Variants in MECOM observed in about 807,000 individuals in gnomAD.
MECOM encodes the protein MDS1 and EVI1 complex locus, also known as histone-lysine N-methyltransferase MECOM.
In MECOM, 13 loss-of-function variants were observed where a neutral mutation model predicts 116.3. That is an observed-to-expected ratio of 0.11 (90% CI 0.07 to 0.18). MECOM has a LOEUF of 0.18. MECOM is among the 10% of genes least tolerant of loss of function. MECOM has a pLI of 1.00. For synonymous variants in MECOM, 528 were observed against 535.2 expected, an observed-to-expected ratio of 0.99 and a Z score of 0.19; for missense variants, 1,299 against 1,509.0, an observed-to-expected ratio of 0.86 and a Z score of 2.31.
intron 2 of MECOM, among the ~76,000 whole-genome samples, chr3:169,182,932 G>A (rs1746165731): frequency 6.6e-6 from 1 of 152,174 alleles, no homozygotes. Context: ...TGAGCAGAAA[G>A]TGGAGTCGAG....
chr3:169,364,212 A>G (rs762441494), intron 2 of MECOM, among the ~76,000 whole-genome samples: 4 of 151,990 alleles, frequency 2.6e-5, no homozygotes, highest in Non-Finnish European at 5.9e-5. Context: ...TGAAAAGTAC[A>G]AATAAAAATA....
rs1759400635 is a variant in MECOM at position 169,274,902 on chromosome 3, A to G, written c.375+106285T>C. ...TGAAGTAATCATAGATATAAAATAT[A>G]AACTAAAATAAAAGGCATCACTCCA... On this transcript the variant is annotated intron_variant, in intron 2 of 16. Coordinates refer to ENST00000651503, the MANE Select transcript of MECOM (RefSeq NM_004991.4). Among the ~76,000 whole-genome samples, 4 of 152,216 alleles carry G rather than the reference A, an allele frequency of 2.6e-5. No homozygotes were observed. In the South Asian group the frequency reaches 8.3e-4, roughly 32 times the overall value.
rs138042926 is a variant in MECOM at position 169,212,983 on chromosome 3, A to G, written c.376-69151T>C. ...TTAAAGCAGTCCCCTCATTGTAACT[A>G]TTATCCTCAGGCATTTACTGTTTCA... On this transcript the variant is annotated intron_variant, in intron 2 of 16. Transcript: ENST00000651503. 3.8e-3 allele frequency among the ~76,000 whole-genome samples: 570 copies of G among 151,646 alleles called. 2 individuals are homozygous for G. The highest frequency in any genetic ancestry group is 0.013 in the African/African-American group (536 of 41,304).
intron 12 of MECOM, 78 bp from the exon 13 acceptor site, chr3:169,095,323 A>C: frequency 8.1e-7 from 1 of 1,232,590 alleles, no homozygotes; most frequent in Non-Finnish European, 1.1e-6. Flanking sequence ...AGCTATCAAA[A>C]ATCATCTCCA....
intron 3 of MECOM, among the ~76,000 whole-genome samples, chr3:169,138,113 A>C (rs1013052301): frequency 6.6e-6 from 1 of 152,122 alleles, no homozygotes; most frequent in Non-Finnish European, 1.5e-5. Flanking sequence ...TCCTTGACCA[A>C]AACATTATCC....
intron 1 of MECOM, among the ~76,000 whole-genome samples, chr3:169,521,171 T>G (rs1345741419): frequency 6.6e-6 from 1 of 152,104 alleles, no homozygotes; most frequent in Non-Finnish European, 1.5e-5. Flanking sequence ...ATCAAAGACC[T>G]AGGCTGGTTG....
chr3:169,418,737 G>C (rs560750111), intron 1 of MECOM, among the ~76,000 whole-genome samples: 1 of 152,142 alleles, frequency 6.6e-6, no homozygotes, highest in East Asian at 1.9e-4. Flanking sequence ...GGTATTGATG[G>C]AACATATGTC....
chr3:169,154,384 A>G (rs528486692), intron 2 of MECOM, among the ~76,000 whole-genome samples: 1 of 152,048 alleles, frequency 6.6e-6, no homozygotes, highest in African/African-American at 2.4e-5. Flanking sequence ...AGAGTCTACC[A>G]TAATGCATGA....
At chr3:169,326,505 T>G (rs1313902465) in intron 2 of MECOM, among the ~76,000 whole-genome samples, 1 of 152,194 alleles carries the variant, frequency 6.6e-6, no homozygotes, top group Non-Finnish European at 1.5e-5. Context: ...CTTTTAAGCT[T>G]TGATTTTTGG....
chr3:169,180,434 C>G (rs1745793935), intron 2 of MECOM, among the ~76,000 whole-genome samples: 1 of 152,056 alleles, frequency 6.6e-6, no homozygotes, highest in African/African-American at 2.4e-5. Flanking sequence ...GCGCAAGGTA[C>G]TTACATAATG....
intron 2 of MECOM, among the ~76,000 whole-genome samples, chr3:169,273,150 G>A (rs781192980): frequency 1.1e-4 from 17 of 152,108 alleles, no homozygotes; most frequent in South Asian, 2.1e-4. Context: ...CCCACATGCC[G>A]TTTTATGTGG....
At position 169,112,814 on chromosome 3, in the gene MECOM, A is replaced by T. The variant is rs753541841; in HGVS notation, c.2550T>A (p.Pro850=). Residue 850 remains proline (P), a synonymous_variant, in exon 9 of 17, where the codon CCT becomes CCA. Coordinates refer to ENST00000651503, the MANE Select transcript of MECOM (RefSeq NM_004991.4). ...GTGGGTGAAACAAGAATCCTGGAGA[A>T]GGCCTCAAGTATTTCTCTTTTAAAG... ...LEALKEKYLR[P]SPGFLFHPQF... is the part of the protein sequence containing the mutation. The T allele has an allele frequency of 1.2e-6, 2 of 1,613,048 alleles. No homozygotes were observed. Among genetic ancestry groups the T allele is most frequent in the Non-Finnish European group, 1.7e-6 (2 of 1,179,318 alleles).
intron 2 of MECOM, among the ~76,000 whole-genome samples, chr3:169,256,745 G>A (rs953332833): frequency 2.0e-5 from 3 of 152,156 alleles, no homozygotes; most frequent in Non-Finnish European, 2.9e-5. Context: ...GAGAGGTCCT[G>A]AGCCATAGGA....
chr3:169,383,805 A>G (rs905431443), intron 1 of MECOM, among the ~76,000 whole-genome samples: 14 of 152,082 alleles, frequency 9.2e-5, no homozygotes, highest in Non-Finnish European at 1.9e-4. Flanking sequence ...TCTGATTCTC[A>G]ATGCTCCTCA....
At chr3:169,523,435 T>G (rs1013523221) in intron 1 of MECOM, among the ~76,000 whole-genome samples, 1 of 8,038 alleles carries the variant, frequency 1.2e-4, no homozygotes, top group Non-Finnish European at 1.9e-4. Flanking sequence ...TGCAGGTAAT[T>G]TTTTTTTTTT....
At chr3:169,587,048 G>A (rs1765857814) in intron 1 of MECOM, among the ~76,000 whole-genome samples, 1 of 152,170 alleles carries the variant, frequency 6.6e-6, no homozygotes, top group African/African-American at 2.4e-5. Flanking sequence ...CAGCAGTGCA[G>A]TTATTATCCC....
At chr3:169,581,769 C>G (rs1430648112) in intron 1 of MECOM, among the ~76,000 whole-genome samples, 1 of 152,170 alleles carries the variant, frequency 6.6e-6, no homozygotes. Flanking sequence ...CATTTTGACT[C>G]CTTAATGAGA....
At chr3:169,117,249 C>T (rs1363179677) in intron 7 of MECOM, among the ~76,000 whole-genome samples, 2 of 152,140 alleles carry the variant, frequency 1.3e-5, no homozygotes, top group Admixed American at 6.6e-5. Flanking sequence ...GGGGAAAAAG[C>T]CTGTGACTGC....
chr3:169,392,175 A>G (rs1044120831), intron 1 of MECOM, among the ~76,000 whole-genome samples: 5 of 152,180 alleles, frequency 3.3e-5, no homozygotes, highest in African/African-American at 1.2e-4. Flanking sequence ...TAAGCTACCC[A>G]TTATATCACC....
Sources: allele counts gnomAD v4.1 joint callset (sites outside exome capture counted in the v4.1 genomes callset), GRCh38; gene constraint gnomAD v4.1.1; transcripts MANE v1.5; gene names NCBI Gene and HGNC (gene_info 2026-07-23, HGNC 2026-07-21).